Variants in BCCIP observed in about 807,000 individuals in gnomAD.
The protein encoded by BCCIP is BRCA2 and CDKN1A interacting protein, also known as BRCA2 and CDKN1A-interacting protein.
In BCCIP, 23 loss-of-function variants were observed where a neutral mutation model predicts 32.8. The ratio of observed to expected loss-of-function variants is 0.70; its 90% CI spans 0.51 to 0.99. BCCIP has a LOEUF of 0.99. Among genes scored for constraint, BCCIP ranks in the 50% least tolerant of loss-of-function variants. The pLI, the probability that BCCIP is intolerant of heterozygous loss-of-function variation, is 0.00. For missense variants in BCCIP, 378 were observed against 379.8 expected (o/e 1.00, Z 0.04); for synonymous variants, 144 against 137.6 (o/e 1.05, Z -0.33).
At chr10:125,838,513 A>G, downstream of BCCIP, 2 of 887,550 alleles carry the variant, frequency 2.3e-6, no homozygotes, top group Non-Finnish European at 3.2e-6. Flanking sequence ...TTTGCCACTC[A>G]TGTTTCCTAC....
chr10:125,841,731 C>T, exon 7 of BCCIP: 1 of 1,603,474 alleles, frequency 6.2e-7, no homozygotes, highest in Non-Finnish European at 8.5e-7. Flanking sequence ...AAGGAATAGT[C>T]ATTAAGGATA....
chr10:125,828,840 G>A (rs1854463085), intron 3 of BCCIP, among the ~76,000 whole-genome samples: 1 of 152,162 alleles, frequency 6.6e-6, no homozygotes. Flanking sequence ...CTAGGGGCTG[G>A]AGGATTCCCT....
exon 8 of BCCIP, chr10:125,853,651 C>CCTTA: frequency 3.6e-6 from 1 of 277,358 alleles, no homozygotes; most frequent in Non-Finnish European, 6.7e-6. Context: ...TTTGCTAGTA[C>CCTTA]CTTAGCTAAA....
At chr10:125,835,314 C>T (rs910776375) in intron 6 of BCCIP, among the ~76,000 whole-genome samples, 6 of 152,034 alleles carry the variant, frequency 3.9e-5, no homozygotes, top group Admixed American at 2.6e-4. Flanking sequence ...GGTGCGGTGG[C>T]TCATGCCTGT....
At chr10:125,837,328 CA>C (rs1482395394), downstream of BCCIP, among the ~76,000 whole-genome samples, 14 of 152,254 alleles carry the variant, frequency 9.2e-5, no homozygotes, top group African/African-American at 3.1e-4. Flanking sequence ...GTGGAACCTT[CA>C]AAATGGATCC....
At chr10:125,849,016 C>T (rs1944057866) in intron 7 of BCCIP, among the ~76,000 whole-genome samples, 1 of 152,186 alleles carries the variant, frequency 6.6e-6, no homozygotes, top group South Asian at 2.1e-4. Context: ...ATAGTCCCCT[C>T]AATATGGGGA....
chr10:125,846,339 G>C (rs1234568067), downstream of BCCIP, among the ~76,000 whole-genome samples: 1 of 152,108 alleles, frequency 6.6e-6, no homozygotes, highest in Non-Finnish European at 1.5e-5. Context: ...GAACAACCTA[G>C]AAAAATCAGG....
At chr10:125,831,673 T>C (rs1481985146) in intron 5 of BCCIP, 66 bp downstream of exon 5, 1 of 1,455,188 alleles carries the variant, frequency 6.9e-7, no homozygotes. Context: ...CTAAATGTCA[T>C]TTAAGTAGAA....
intron 5 of BCCIP, 142 bp from the exon 6 acceptor site, chr10:125,833,630 C>T (rs931973297): frequency 1.4e-6 from 1 of 697,978 alleles, no homozygotes; most frequent in Admixed American, 2.9e-5. Flanking sequence ...AAAATCATTC[C>T]TGTAGACTAA....
intron 7 of BCCIP, chr10:125,852,704 T>C: frequency 7.0e-7 from 1 of 1,436,440 alleles, no homozygotes; most frequent in Non-Finnish European, 9.5e-7. Flanking sequence ...GGCTCACTGA[T>C]CCTGAAGAGA....
At chr10:125,835,981 C>CT (rs1241223872) in intron 6 of BCCIP, 123 bp from the exon 7 acceptor site, 102 of 901,496 alleles carry the variant, frequency 1.1e-4, no homozygotes, top group Non-Finnish European at 1.3e-4. Context: ...CTGAGTTTTG[C>CT]TTTTTTTTAG....
At chr10:125,834,949 G>A (rs1198382797) in intron 6 of BCCIP, among the ~76,000 whole-genome samples, 1 of 150,950 alleles carries the variant, frequency 6.6e-6, no homozygotes, top group Non-Finnish European at 1.5e-5. Context: ...TGGCTAACAT[G>A]GTGAAACCCC....
chr10:125,853,030 TTGG>T (rs1944111516), intron 7 of BCCIP: 1 of 876,236 alleles, frequency 1.1e-6, no homozygotes, highest in Non-Finnish European at 1.8e-6. Flanking sequence ...AACCAGGATC[TTGG>T]TGGTCTCACC....
At chr10:125,846,027 A>G (rs1944013664), downstream of BCCIP, among the ~76,000 whole-genome samples, 1 of 152,234 alleles carries the variant, frequency 6.6e-6, no homozygotes, top group Non-Finnish European at 1.5e-5. Flanking sequence ...TGGGGAAGGA[A>G]GCTGAATTTG....
At position 125,836,243 on chromosome 10, in the gene BCCIP, T is replaced by A. The variant is rs1854680770; in HGVS notation, c.914T>A (p.Met305Lys). Residue 305 changes from methionine (M) to lysine (K), a missense_variant, in exon 7 of 7, where the codon ATG becomes AAG. Physicochemically the swap from Met to Lys is moderately conservative, Grantham distance 95. Coordinates refer to ENST00000278100, the MANE Select transcript of BCCIP (RefSeq NM_078468.3). ...LIPGDKMNEI[M>K]DKLKEYLSV ...CCAGGCGACAAGATGAACGAAATCATGGATAAACTGAAAGAATATCTATCT... is the reference window on the plus strand; with the variant it reads ...CCAGGCGACAAGATGAACGAAATCAAGGATAAACTGAAAGAATATCTATCT... The A allele has an allele frequency of 6.2e-7, 1 of 1,614,100 alleles. No homozygotes were observed. Among genetic ancestry groups the A allele is most frequent in the African/African-American group, 1.3e-5 (1 of 74,940 alleles).
intron 7 of BCCIP, among the ~76,000 whole-genome samples, chr10:125,850,917 C>A (rs1013160558): frequency 6.6e-6 from 1 of 152,240 alleles, no homozygotes; most frequent in African/African-American, 2.4e-5. Context: ...TAGCGGCAGT[C>A]TCAGGCCATC....
At chr10:125,846,100 C>T (rs1049370042), downstream of BCCIP, among the ~76,000 whole-genome samples, 1 of 152,178 alleles carries the variant, frequency 6.6e-6, no homozygotes. Flanking sequence ...CTAGAGGGCA[C>T]CTGTCTAGTC....
At chr10:125,841,317 G>T (rs766335318), downstream of BCCIP, 1 of 1,614,086 alleles carries the variant, frequency 6.2e-7, no homozygotes, top group South Asian at 1.1e-5. Context: ...AACCAGTTCC[G>T]ATACAGCACA....
downstream of BCCIP, among the ~76,000 whole-genome samples, chr10:125,844,460 A>G (rs921290432): frequency 5.3e-5 from 8 of 152,216 alleles, no homozygotes; most frequent in Admixed American, 5.2e-4. Context: ...TAGTAACATA[A>G]ATGACTTCAT....
Sources: allele counts gnomAD v4.1 joint callset (sites outside exome capture counted in the v4.1 genomes callset), GRCh38; gene constraint gnomAD v4.1.1; transcripts MANE v1.5; gene names NCBI Gene and HGNC (gene_info 2026-07-23, HGNC 2026-07-21).